VCL: variants seen among roughly 807,000 people sequenced by gnomAD.
VCL encodes the protein epididymis luminal protein 114.
In VCL, 47 loss-of-function variants were observed where a neutral mutation model predicts 125.7. That is an observed-to-expected ratio of 0.37 (90% CI 0.30 to 0.48). The LOEUF (loss-of-function observed/expected upper bound fraction) is 0.48, where lower values mean the gene tolerates loss of function less well. VCL is among the 20% of genes least tolerant of loss of function. The pLI, the probability that VCL is intolerant of heterozygous loss-of-function variation, is 0.99. For synonymous variants in VCL, 458 were observed against 514.6 expected (o/e 0.89, Z 1.49); for missense variants, 1,069 against 1,455.5 (o/e 0.73, Z 4.32).
In VCL at chr10:74,090,233, C is replaced by A. The variant is rs73280468; in HGVS notation, c.1352+35C>A. On this transcript the variant is annotated intron_variant, in intron 10 of 21. Coordinates refer to ENST00000211998, the MANE Select transcript of VCL (RefSeq NM_014000.3). ...TAACCCTTACATTGCCTTTTCATAT[C>A]TTTTCTTCTCTTTCTCTCTCCCTTC... 6.5e-3 allele frequency: 10,446 copies of A among 1,608,442 alleles called. 239 individuals carry two copies. The African/African-American group carries it at 0.075, about 12-fold the overall frequency.
chr10:74,085,435 T>G (rs574312636), intron 8 of VCL, among the ~76,000 whole-genome samples: 1 of 152,350 alleles, frequency 6.6e-6, no homozygotes, highest in Admixed American at 6.5e-5. Flanking sequence ...TCCTCTAAGT[T>G]GGTAATTTCT....
At chr10:74,042,740 T>C (rs1841118384) in intron 1 of VCL, among the ~76,000 whole-genome samples, 1 of 152,216 alleles carries the variant, frequency 6.6e-6, no homozygotes, top group African/African-American at 2.4e-5. Context: ...ATGTACTTCA[T>C]GTAACATTTT....
intron 1 of VCL, among the ~76,000 whole-genome samples, chr10:74,030,935 C>T (rs1048072296): frequency 6.6e-6 from 1 of 152,090 alleles, no homozygotes; most frequent in African/African-American, 2.4e-5. Flanking sequence ...CTATGTGGAC[C>T]AAACAAAAAC....
chr10:74,077,920 G>C (rs1417794038), intron 6 of VCL, among the ~76,000 whole-genome samples: 2 of 151,982 alleles, frequency 1.3e-5, no homozygotes, highest in Non-Finnish European at 2.9e-5. Flanking sequence ...AAAGTAAAAA[G>C]TTTCCTTTTC....
At chr10:74,047,889 T>C (rs1841219052) in intron 2 of VCL, among the ~76,000 whole-genome samples, 1 of 152,200 alleles carries the variant, frequency 6.6e-6, no homozygotes, top group Non-Finnish European at 1.5e-5. Flanking sequence ...AATTCCTTAC[T>C]GTAAAAGTGA....
intron 1 of VCL, among the ~76,000 whole-genome samples, chr10:74,036,070 T>C (rs1387111969): frequency 6.6e-6 from 1 of 152,214 alleles, no homozygotes; most frequent in East Asian, 1.9e-4. Flanking sequence ...CAATTCTCCA[T>C]AGATACCAAG....
intron 1 of VCL, among the ~76,000 whole-genome samples, chr10:74,016,389 T>C (rs1840539333): frequency 6.6e-6 from 1 of 152,064 alleles, no homozygotes; most frequent in South Asian, 2.1e-4. Flanking sequence ...GGCAGGCAGA[T>C]TGCTTGAGTG....
rs373036768 is a variant in VCL at position 74,097,755 on chromosome 10, G to A, written c.1872+423G>A. 6.6e-6 allele frequency among the ~76,000 whole-genome samples: 1 copy of A among 152,088 alleles called. No homozygotes were observed. The highest frequency in any genetic ancestry group is 2.4e-5 in the African/African-American group (1 of 41,392). On this transcript the variant is annotated intron_variant, in intron 13 of 21. Coordinates refer to ENST00000211998, the MANE Select transcript of VCL (RefSeq NM_014000.3). This position sits in a 1 kb window ranked among gnomAD's most constrained non-coding sequence, Gnocchi z 4.1. Reference sequence around the variant, plus strand: ...TACTCCAGTCACAACTGTGCCTTTCGAGTCAGGATGATCTTTTTAAATCAA... The same window carrying A: ...TACTCCAGTCACAACTGTGCCTTTCAAGTCAGGATGATCTTTTTAAATCAA...
At chr10:74,109,498 T>C (rs1430771430) in intron 18 of VCL, among the ~76,000 whole-genome samples, 3 of 152,222 alleles carry the variant, frequency 2.0e-5, no homozygotes, top group African/African-American at 7.2e-5. Flanking sequence ...TGTTTTTAGA[T>C]GCTACATTGC....
intron 2 of VCL, among the ~76,000 whole-genome samples, chr10:74,067,996 C>T (rs1308944713): frequency 2.0e-5 from 3 of 152,222 alleles, no homozygotes; most frequent in Non-Finnish European, 4.4e-5. Flanking sequence ...ACATGAATTT[C>T]ACCTCAATTG....
chr10:74,060,655 C>CAA (rs11398822), intron 2 of VCL, among the ~76,000 whole-genome samples: 3,231 of 108,634 alleles, frequency 0.03, 158 homozygotes, highest in African/African-American at 0.094. Context: ...GACTCTGTCT[C>CAA]AAAAAAAAAA....
At chr10:74,096,636 TC>T (rs1839973974) in intron 12 of VCL, among the ~76,000 whole-genome samples, 4 of 152,234 alleles carry the variant, frequency 2.6e-5, no homozygotes, top group Non-Finnish European at 1.5e-5. Flanking sequence ...GTTCATGGCT[TC>T]TAAGAATACT....
At chr10:74,098,813 T>A (rs910498356) in intron 13 of VCL, among the ~76,000 whole-genome samples, 1 of 152,202 alleles carries the variant, frequency 6.6e-6, no homozygotes, top group African/African-American at 2.4e-5. Flanking sequence ...GATGATTTGC[T>A]ATTTTTTTAA....
At chr10:74,120,369 C>G (rs1278488866), downstream of VCL, 1 of 152,196 alleles carries the variant, frequency 6.6e-6, no homozygotes. Flanking sequence ...GGGGATTACA[C>G]ACTTGAAGGA....
At chr10:74,102,858 G>GTCCA (rs1412921893) in intron 14 of VCL, among the ~76,000 whole-genome samples, 3 of 151,784 alleles carry the variant, frequency 2.0e-5, no homozygotes, top group Non-Finnish European at 4.4e-5. Context: ...TTGGACTTGA[G>GTCCA]ACCTCTGTGA....
chr10:73,999,100 C>A (rs1487461659), intron 1 of VCL, among the ~76,000 whole-genome samples: 3 of 152,204 alleles, frequency 2.0e-5, no homozygotes, highest in Non-Finnish European at 4.4e-5. Context: ...CCCTGCTGCC[C>A]TTCCTTTCAT....
chr10:74,118,182 G>A lies in VCL; in HGVS notation c.*13G>A. 5 of 1,614,034 alleles carry A rather than the reference G, an allele frequency of 3.1e-6. No homozygotes were observed. Among genetic ancestry groups the A allele is most frequent in the South Asian group, 1.1e-5 (1 of 91,086 alleles). On this transcript the variant is annotated 3_prime_UTR_variant, in exon 22 of 22. Coordinates refer to ENST00000211998, the MANE Select transcript of VCL (RefSeq NM_014000.3). ...CTGGTACCAGTAGGCACCTGGCTGA[G>A]CCTGGCTGGCACAGAAACCTCTACT... is the stretch of plus-strand genomic sequence containing the variant.
rs988276832 is a variant in VCL, at chr10:74,070,811, T to C, written c.381T>C (p.Asp127=). 2 of 1,614,060 alleles carry C rather than the reference T, an allele frequency of 1.2e-6. No homozygotes were observed. Among genetic ancestry groups the C allele is most frequent in the Non-Finnish European group, 1.7e-6 (2 of 1,180,014 alleles). The change falls in exon 3 of 22, where the codon GAT becomes GAC. Residue 127 remains aspartate (D), a synonymous_variant. Coordinates refer to ENST00000211998, the MANE Select transcript of VCL (RefSeq NM_014000.3). ...CATCAGACCTGCTCCTTACCTTCGATGAGGCTGAGGTAGGCAATCTGAGAC... is the reference window on the plus strand; with the variant it reads ...CATCAGACCTGCTCCTTACCTTCGACGAGGCTGAGGTAGGCAATCTGAGAC... ...SGTSDLLLTF[D]EAEVRKIIRV...
rs560368872 is a variant in VCL, at chr10:74,029,609, CTA to C, written c.169-13472_169-13471del. Among the ~76,000 whole-genome samples the C allele has an allele frequency of 4.9e-4, 75 of 152,302 alleles. 2 individuals carry two copies. In the South Asian group the frequency reaches 0.015, roughly 30 times the overall value. On this transcript the variant is annotated intron_variant, in intron 1 of 21. Transcript: ENST00000211998. ...AAGCTTAACATTGGTTCTAAGGAAACTATGTGGCATCAGATAAGCTTGCTTGA... is the reference window on the plus strand; with the variant it reads ...AAGCTTAACATTGGTTCTAAGGAAACTGTGGCATCAGATAAGCTTGCTTGA...
Sources: gnomAD v4.1 joint callset for allele counts (sites outside exome capture counted in the v4.1 genomes callset) on GRCh38, gnomAD v4.1.1 for gene constraint, Gnocchi (gnomAD v3.1) non-coding constraint, MANE v1.5 for transcripts, NCBI Gene and HGNC (gene_info 2026-07-23, HGNC 2026-07-21) for gene names.